Variants in UGT2B7 observed in about 807,000 individuals in gnomAD.
UGT2B7 encodes the protein UDP-glucuronosyltransferase 2B7.
UGT2B7 carries 51 observed loss-of-function variants against 51.9 expected under a neutral mutation model. The ratio of observed to expected loss-of-function variants is 0.98; its 90% CI spans 0.78 to 1.24. The LOEUF is 1.24. Ranked by LOEUF, UGT2B7 falls within the 50% of genes most tolerant of loss-of-function variation. The pLI is 0.00. For missense variants in UGT2B7, 727 were observed against 628.4 expected, an observed-to-expected ratio of 1.16 and a Z score of -1.68; for synonymous variants, 225 against 211.6, an observed-to-expected ratio of 1.06 and a Z score of -0.55.
chr4:69,100,199 T>C (rs1480103758), intron 2 of UGT2B7, among the ~76,000 whole-genome samples: 1 of 152,004 alleles, frequency 6.6e-6, no homozygotes, highest in Non-Finnish European at 1.5e-5. Context: ...CTCAACATCA[T>C]AGCTGCCTGA....
At position 69,112,818 on chromosome 4, in the gene UGT2B7, AT is replaced by A; in HGVS notation, c.*85del. On this transcript the variant is annotated 3_prime_UTR_variant, in exon 6 of 6. Coordinates refer to ENST00000305231, the MANE Select transcript of UGT2B7 (RefSeq NM_001074.4). ...CCAGCAAGAAAGATTGTGATGCAAG[AT>A]TTCTTTCTTCCTGAGACAAAAAAAA... The A allele has an allele frequency of 7.6e-7, 1 of 1,313,942 alleles. No homozygotes were observed. The highest frequency in any genetic ancestry group is 1.0e-6 in the Non-Finnish European group (1 of 989,632). 81.4% of individuals were successfully genotyped at this position (1,313,942 alleles called of 1,614,324 possible). A position where few individuals can be genotyped will look rare whatever the true frequency, so the allele number is the denominator to read the frequency against.
intron 1 of UGT2B7, among the ~76,000 whole-genome samples, chr4:69,071,030 T>A (rs1217872751): frequency 6.6e-6 from 1 of 152,190 alleles, no homozygotes; most frequent in East Asian, 1.9e-4. Context: ...AGACTAAAGA[T>A]GTTTTCCACA....
chr4:69,094,081 A>T (rs1719154194), upstream of UGT2B7, among the ~76,000 whole-genome samples: 1 of 151,990 alleles, frequency 6.6e-6, no homozygotes, highest in Non-Finnish European at 1.5e-5. Context: ...GAATACTAAA[A>T]TAAAGCAAAT....
At chr4:69,088,215 T>C (rs1286411206) in intron 1 of UGT2B7, among the ~76,000 whole-genome samples, 1 of 152,134 alleles carries the variant, frequency 6.6e-6, no homozygotes, top group African/African-American at 2.4e-5. Flanking sequence ...CCAAGTCTGC[T>C]GTTGAAGTTT....
intron 1 of UGT2B7, among the ~76,000 whole-genome samples, chr4:69,070,585 A>G (rs1718579558): frequency 6.6e-6 from 1 of 152,054 alleles, no homozygotes; most frequent in Non-Finnish European, 1.5e-5. Flanking sequence ...TTTAAAGAAA[A>G]TCCATTTATG....
chr4:69,104,351 T>C (rs1719527277), intron 3 of UGT2B7, among the ~76,000 whole-genome samples: 1 of 152,010 alleles, frequency 6.6e-6, no homozygotes, highest in Non-Finnish European at 1.5e-5. Context: ...AAAGATGGAG[T>C]CTGGAAGATA....
At chr4:69,108,553 T>A (rs72639733) in intron 5 of UGT2B7, among the ~76,000 whole-genome samples, 1 of 152,210 alleles carries the variant, frequency 6.6e-6, no homozygotes, top group Non-Finnish European at 1.5e-5. Context: ...AAAATAATTT[T>A]AAAAGGATAT....
intron 1 of UGT2B7, among the ~76,000 whole-genome samples, chr4:69,054,304 C>A (rs190389560): frequency 6.6e-6 from 1 of 152,038 alleles, no homozygotes; most frequent in Non-Finnish European, 1.5e-5. Context: ...AACAAAAAGA[C>A]AGGGTTTCCA....
chr4:69,065,085 A>G (rs1336215077), intron 1 of UGT2B7, among the ~76,000 whole-genome samples: 1 of 152,116 alleles, frequency 6.6e-6, no homozygotes. Context: ...TCACTAGCAC[A>G]ATAAGTAGGT....
Position 69,102,798 on chromosome 4 carries a change from T to C in UGT2B7, c.871-9T>C. On this transcript the variant is annotated splice_polypyrimidine_tract_variant and intron_variant, in intron 2 of 5. Coordinates refer to ENST00000305231, the MANE Select transcript of UGT2B7 (RefSeq NM_001074.4). ...CTCTTTTGTGATGAAGCAAATTCTT[T>C]CTTCACAGGAAATGGAAGACTTTGT... 1 of 1,611,248 alleles carries C rather than the reference T, an allele frequency of 6.2e-7. No homozygotes were observed. Among genetic ancestry groups the C allele is most frequent in the Non-Finnish European group, 8.5e-7 (1 of 1,179,002 alleles).
intron 1 of UGT2B7, among the ~76,000 whole-genome samples, chr4:69,074,427 A>AATATATATATATATATATAT (rs143693621): frequency 0.01 from 1,203 of 115,820 alleles, 36 homozygotes; most frequent in African/African-American, 0.037. Context: ...CCTTATCTTA[A>AATATATATATATATATATAT]ATATATATAT....
chr4:69,097,530 T>C (rs572305500), intron 1 of UGT2B7, among the ~76,000 whole-genome samples: 5 of 152,158 alleles, frequency 3.3e-5, no homozygotes, highest in Non-Finnish European at 7.4e-5. Context: ...TACTATACAT[T>C]GTTTTACATC....
intron 1 of UGT2B7, among the ~76,000 whole-genome samples, chr4:69,055,345 CAAA>C (rs544890954): frequency 7.4e-6 from 1 of 136,012 alleles, no homozygotes. Flanking sequence ...TGTTTGACTC[CAAA>C]AAAAAAAAAA....
intron 5 of UGT2B7, 83 bp downstream of exon 5, chr4:69,108,405 A>T: frequency 1.4e-6 from 2 of 1,429,504 alleles, no homozygotes; most frequent in Non-Finnish European, 9.5e-7. Context: ...CATCCTTTTT[A>T]TAAGAGACTA....
chr4:69,059,352 C>A (rs952338423), intron 1 of UGT2B7, among the ~76,000 whole-genome samples: 18 of 152,224 alleles, frequency 1.2e-4, no homozygotes, highest in African/African-American at 4.3e-4. Flanking sequence ...CCTGAATTCT[C>A]ATCCCAAATG....
At chr4:69,084,658 C>T (rs1236467866) in intron 1 of UGT2B7, among the ~76,000 whole-genome samples, 1 of 152,006 alleles carries the variant, frequency 6.6e-6, no homozygotes, top group African/African-American at 2.4e-5. Flanking sequence ...TGATGTATCC[C>T]TCCATGTGTC....
At chr4:69,058,787 G>T (rs916431086) in intron 1 of UGT2B7, among the ~76,000 whole-genome samples, 3 of 152,162 alleles carry the variant, frequency 2.0e-5, no homozygotes, top group African/African-American at 7.2e-5. Flanking sequence ...CTAATCAAAG[G>T]CTTAAGAAAA....
In UGT2B7 at chr4:69,112,408, T is replaced by C. The variant is rs527290665; in HGVS notation, c.1311-49T>C. On this transcript the variant is annotated intron_variant, in intron 5 of 5. Coordinates refer to ENST00000305231, the MANE Select transcript of UGT2B7 (RefSeq NM_001074.4). ...CTTTAACTCGGTGTCTGAGGGGTTT[T>C]GTCTGTAACTCTTCCTGCTACATTA... is the stretch of plus-strand genomic sequence containing the variant. The C allele has an allele frequency of 5.6e-5, 89 of 1,577,438 alleles. No homozygotes were observed. In the African/African-American group the frequency reaches 1.2e-3, roughly 20 times the overall value.
intron 1 of UGT2B7, among the ~76,000 whole-genome samples, chr4:69,075,925 C>A (rs1322229876): frequency 6.6e-6 from 1 of 151,992 alleles, no homozygotes; most frequent in Non-Finnish European, 1.5e-5. Flanking sequence ...GCTATTCCAC[C>A]CCTAGCCCCC....
Sources: gnomAD v4.1 joint callset for allele counts (sites outside exome capture counted in the v4.1 genomes callset) on GRCh38, gnomAD v4.1.1 for gene constraint, MANE v1.5 for transcripts, NCBI Gene and HGNC (gene_info 2026-07-23, HGNC 2026-07-21) for gene names.